The following NFATC2 variants were observed in gnomAD, a reference collection of about 807,000 sequenced individuals.
NFATC2 encodes nuclear factor of activated T-cells, cytoplasmic 2.
NFATC2 carries 22 observed loss-of-function variants against 87.3 expected under a neutral mutation model. That is an observed-to-expected ratio of 0.25 (90% CI 0.18 to 0.36). NFATC2 has a LOEUF of 0.36. Among genes scored for constraint, NFATC2 ranks in the 10% least tolerant of loss-of-function variants. The pLI is 1.00. For synonymous variants in NFATC2, 565 were observed against 542.2 expected (o/e 1.04, Z -0.58); for missense variants, 1,149 against 1,259.1 (o/e 0.91, Z 1.32).
chr20:51,520,538 G>C (rs2076427779), intron 2 of NFATC2, among the ~76,000 whole-genome samples: 1 of 150,952 alleles, frequency 6.6e-6, no homozygotes, highest in South Asian at 2.1e-4. Flanking sequence ...TGCATTTCAT[G>C]AAAGAATGAA....
Position 51,420,860 on chromosome 20 carries a change from A to T in NFATC2, c.2722+11207T>A, listed in dbSNP as rs1256227843. Among the ~76,000 whole-genome samples, 12 of 152,086 alleles carry T rather than the reference A, an allele frequency of 7.9e-5. 1 individual carries two copies. The East Asian group carries it at 2.3e-3, about 29-fold the overall frequency. ...AGTCCTTTTTTTAGAGATACATGCT[A>T]TTTCTACACGAAATTATAGGATGTC... On this transcript the variant is annotated intron_variant, in intron 9 of 10. Transcript: ENST00000371564.
chr20:51,460,818 T>A (rs1987072671), intron 5 of NFATC2, among the ~76,000 whole-genome samples: 1 of 152,162 alleles, frequency 6.6e-6, no homozygotes, highest in Admixed American at 6.5e-5. Flanking sequence ...AGTGTGGCTC[T>A]CAGGTCACCT....
rs932951726 is a variant in NFATC2, at chr20:51,391,223, G to A, written c.*273C>T. The A allele has an allele frequency of 1.4e-6, 1 of 737,638 alleles. No individual in the cohort carries two copies. 45.7% of individuals were successfully genotyped at this position (737,638 alleles called of 1,614,324 possible). A position where few individuals can be genotyped will look rare whatever the true frequency, so the allele number is the denominator to read the frequency against. On this transcript the variant is annotated 3_prime_UTR_variant, in exon 11 of 11. Coordinates refer to ENST00000371564, the MANE Select transcript of NFATC2 (RefSeq NM_012340.5). The stretch of plus-strand genomic sequence containing the variant: ...AAACCGAAAAGAAGAGTTCTCTCTG[G>A]TGTTTAGAGGGAGGTGGCGAGCTCC...
At chr20:51,460,879 A>G (rs1011546363) in intron 5 of NFATC2, among the ~76,000 whole-genome samples, 3 of 152,180 alleles carry the variant, frequency 2.0e-5, no homozygotes. Flanking sequence ...CTAGATAAAA[A>G]TGCAGATACC....
upstream of NFATC2, among the ~76,000 whole-genome samples, chr20:51,547,501 C>G (rs1376416358): frequency 2.0e-5 from 3 of 152,146 alleles, no homozygotes; most frequent in Admixed American, 6.5e-5. Flanking sequence ...AGTTACCCAC[C>G]ACCTACAGCT....
At chr20:51,486,888 C>T (rs904401679) in intron 3 of NFATC2, among the ~76,000 whole-genome samples, 1 of 152,028 alleles carries the variant, frequency 6.6e-6, no homozygotes, top group Non-Finnish European at 1.5e-5. Context: ...CATATTATAC[C>T]AGGCCAATTA....
chr20:51,388,116 A>G lies in NFATC2; in HGVS notation c.*3380T>C, dbSNP rs1188047293. 1 of 152,190 alleles carries G rather than the reference A, an allele frequency of 6.6e-6. No homozygotes were observed. The highest frequency in any genetic ancestry group is 1.5e-5 in the Non-Finnish European group (1 of 68,032). 9.4% of individuals were successfully genotyped at this position (152,190 alleles called of 1,614,324 possible). ...CCTTTGGATAAAGCATACAGGAGTT[A>G]TCTACCAGGATTTAGATTTGGTCCC... On this transcript the variant is annotated 3_prime_UTR_variant, in exon 11 of 11. Transcript: ENST00000371564.
intron 10 of NFATC2, among the ~76,000 whole-genome samples, chr20:51,397,719 G>A (rs1443115368): frequency 6.6e-6 from 1 of 152,114 alleles, no homozygotes; most frequent in Non-Finnish European, 1.5e-5. Context: ...TCTGCCATAG[G>A]GAAGTAGGGG....
chr20:51,540,415 C>A (rs997065322), intron 1 of NFATC2, among the ~76,000 whole-genome samples: 1 of 152,122 alleles, frequency 6.6e-6, no homozygotes, highest in African/African-American at 2.4e-5. Context: ...GGACAGTCTA[C>A]AATACAACCA....
intron 10 of NFATC2, among the ~76,000 whole-genome samples, chr20:51,392,093 C>G (rs562786646): frequency 1.3e-5 from 2 of 152,308 alleles, no homozygotes; most frequent in African/African-American, 4.8e-5. Context: ...GTGTACCAAA[C>G]TACTTCCACT....
intron 9 of NFATC2, among the ~76,000 whole-genome samples, chr20:51,407,534 C>T (rs1568937076): frequency 1.3e-5 from 2 of 152,330 alleles, no homozygotes; most frequent in East Asian, 3.9e-4. Flanking sequence ...CTGTAGTCCT[C>T]AGCTCTGTAG....
At chr20:51,492,279 C>A (rs2075904886) in intron 3 of NFATC2, among the ~76,000 whole-genome samples, 1 of 151,914 alleles carries the variant, frequency 6.6e-6, no homozygotes, top group Non-Finnish European at 1.5e-5. Context: ...CCGAGCCCCG[C>A]CGCACCCCGC....
At chr20:51,473,492 A>G (rs1988427217) in intron 5 of NFATC2, among the ~76,000 whole-genome samples, 1 of 152,192 alleles carries the variant, frequency 6.6e-6, no homozygotes, top group Non-Finnish European at 1.5e-5. Flanking sequence ...GCACACTGAC[A>G]CCAGCTAGCT....
rs112836592 is a variant in NFATC2, at chr20:51,407,776, G to A, written c.2723-9046C>T. Reference sequence around the variant, plus strand: ...AGCAGACGGGGTCAGGACGAGAACCGTGGAGTCTGGAACCCTAAGCCTTCA... The same window carrying A: ...AGCAGACGGGGTCAGGACGAGAACCATGGAGTCTGGAACCCTAAGCCTTCA... On this transcript the variant is annotated intron_variant, in intron 9 of 10. Transcript: ENST00000371564. Among the ~76,000 whole-genome samples, 86 of 152,362 alleles carry A rather than the reference G, an allele frequency of 5.6e-4. 1 individual carries two copies. Among genetic ancestry groups the A allele is most frequent in the Admixed American group, 1.2e-3 (18 of 15,306 alleles).
At chr20:51,539,913 C>T (rs55691246) in intron 1 of NFATC2, among the ~76,000 whole-genome samples, 237 of 152,320 alleles carry the variant, frequency 1.6e-3, no homozygotes, top group African/African-American at 5.1e-3. Context: ...GTGTGGGCTT[C>T]ATGTAGTAAT....
intron 1 of NFATC2, among the ~76,000 whole-genome samples, chr20:51,540,649 T>TTC (rs2076795101): frequency 7.8e-6 from 1 of 127,896 alleles, no homozygotes; most frequent in African/African-American, 3.5e-5. Flanking sequence ...AAACTGAAGT[T>TTC]TTTTTTTTGT....
At chr20:51,444,816 G>C (rs1984837831) in intron 6 of NFATC2, among the ~76,000 whole-genome samples, 1 of 152,142 alleles carries the variant, frequency 6.6e-6, no homozygotes, top group Non-Finnish European at 1.5e-5. Context: ...GAGCCCAGCA[G>C]ACAGGGGTGG....
chr20:51,419,720 G>A (rs1007362306), intron 9 of NFATC2, among the ~76,000 whole-genome samples: 3 of 152,036 alleles, frequency 2.0e-5, no homozygotes, highest in Admixed American at 6.6e-5. Context: ...TTGGAATCAC[G>A]CTCAAAGACT....
intron 6 of NFATC2, among the ~76,000 whole-genome samples, chr20:51,439,072 A>G (rs1031072658): frequency 6.6e-6 from 1 of 152,162 alleles, no homozygotes; most frequent in African/African-American, 2.4e-5. Context: ...ATTCATGCAG[A>G]TGCAGATTTC....
Sources: gnomAD v4.1 joint callset for allele counts (sites outside exome capture counted in the v4.1 genomes callset) on GRCh38, gnomAD v4.1.1 for gene constraint, MANE v1.5 for transcripts, NCBI Gene and HGNC (gene_info 2026-07-23, HGNC 2026-07-21) for gene names.